The following KHDRBS2 variants were observed in gnomAD, a reference collection of about 807,000 sequenced individuals.
KHDRBS2 encodes KH RNA binding domain containing, signal transduction associated 2.
In KHDRBS2, 26 loss-of-function variants were observed where a neutral mutation model predicts 44.3. The ratio of observed to expected loss-of-function variants is 0.59; its 90% CI spans 0.43 to 0.81. The LOEUF (loss-of-function observed/expected upper bound fraction) is 0.81, where lower values mean the gene tolerates loss of function less well. Ranked by LOEUF, KHDRBS2 falls within the 40% of genes least tolerant of loss-of-function variation. The pLI, the probability that KHDRBS2 is intolerant of heterozygous loss-of-function variation, is 0.00. For synonymous variants in KHDRBS2, 194 were observed against 151.1 expected (o/e 1.28, Z -2.08); for missense variants, 476 against 433.1 (o/e 1.10, Z -0.88).
chr6:61,816,678 C>G, intron 6 of KHDRBS2: 1 of 431,790 alleles, frequency 2.3e-6, no homozygotes, highest in Non-Finnish European at 4.7e-6. Context: ...TTTGAAAATC[C>G]AGTTTTGCAA....
rs528229276 is a variant in KHDRBS2 at position 61,950,310 on chromosome 6, G to A, written c.483+27756C>T. The stretch of plus-strand genomic sequence containing the variant: ...ATATATTACTTTGGTGTAAATGATC[G>A]TATAGTAATCACTACTGATATCACC... On this transcript the variant is annotated intron_variant, in intron 4 of 8. Transcript: ENST00000281156. Among the ~76,000 whole-genome samples the A allele has an allele frequency of 1.4e-4, 21 of 152,062 alleles. No homozygotes were observed. The East Asian group carries it at 2.9e-3, about 21-fold the overall frequency.
At chr6:62,110,394 A>G (rs762152166) in intron 2 of KHDRBS2, among the ~76,000 whole-genome samples, 36 of 152,158 alleles carry the variant, frequency 2.4e-4, no homozygotes, top group Middle Eastern at 3.4e-3. Context: ...CAGCAGTTTT[A>G]TTTGTAAGAG....
At chr6:61,602,608 C>T in the KHDRBS2 span, among the ~76,000 whole-genome samples, 113 of 152,270 alleles carry the variant, frequency 7.4e-4, 1 homozygote, top group Middle Eastern at 3.4e-3. Flanking sequence ...AAGCCCCCTA[C>T]ACCATCACTG....
intron 2 of KHDRBS2, among the ~76,000 whole-genome samples, chr6:62,135,674 A>AAT (rs1467641642): frequency 6.6e-6 from 1 of 152,038 alleles, no homozygotes; most frequent in African/African-American, 2.4e-5. Context: ...GACATATATA[A>AAT]ATATATATAT....
At position 62,187,851 on chromosome 6, in the gene KHDRBS2, A is replaced by G. The variant is rs74726207; in HGVS notation, c.92-10539T>C. Among the ~76,000 whole-genome samples, 231 of 152,246 alleles carry G rather than the reference A, an allele frequency of 1.5e-3. 1 individual carries two copies. Among genetic ancestry groups the G allele is most frequent in the African/African-American group, 5.4e-3 (224 of 41,556 alleles). On this transcript the variant is annotated intron_variant, in intron 1 of 8. Transcript: ENST00000281156. The stretch of plus-strand genomic sequence containing the variant: ...AGTATATTTGTCCATTTGCATTGCT[A>G]TAAAAGAATACCTGAGGCTGGGTAA...
At chr6:61,930,158 G>A (rs531635993) in intron 4 of KHDRBS2, among the ~76,000 whole-genome samples, 45 of 152,190 alleles carry the variant, frequency 3.0e-4, no homozygotes, top group African/African-American at 1.1e-3. Flanking sequence ...GGAACAAGAT[G>A]CCATGTTGGA....
chr6:61,585,081 C>A, the KHDRBS2 span, among the ~76,000 whole-genome samples: 1 of 151,720 alleles, frequency 6.6e-6, no homozygotes, highest in East Asian at 1.9e-4. Context: ...TTTTGTGGAG[C>A]GTCGAAAAGA....
the KHDRBS2 span, among the ~76,000 whole-genome samples, chr6:61,578,308 T>C: frequency 6.6e-6 from 1 of 152,176 alleles, no homozygotes; most frequent in African/African-American, 2.4e-5. Flanking sequence ...CACTTAAGAA[T>C]TCAGAGTGAT....
At chr6:61,958,575 T>C (rs1767946729) in intron 4 of KHDRBS2, among the ~76,000 whole-genome samples, 1 of 152,222 alleles carries the variant, frequency 6.6e-6, no homozygotes, top group African/African-American at 2.4e-5. Context: ...TGATCCATTG[T>C]AATCATCACA....
intron 6 of KHDRBS2, among the ~76,000 whole-genome samples, chr6:61,736,531 C>T (rs1365989763): frequency 1.3e-5 from 2 of 152,018 alleles, no homozygotes; most frequent in Non-Finnish European, 2.9e-5. Context: ...CTTTACTCAC[C>T]TTTATTTCTT....
intron 6 of KHDRBS2, among the ~76,000 whole-genome samples, chr6:61,862,303 C>G (rs1269488982): frequency 6.6e-6 from 1 of 151,980 alleles, no homozygotes; most frequent in Non-Finnish European, 1.5e-5. Flanking sequence ...ATTTGTATAC[C>G]CTTTATTTCT....
chr6:62,240,718 A>ATATATATATATATATAT (rs1179571656), intron 1 of KHDRBS2, among the ~76,000 whole-genome samples: 4 of 134,276 alleles, frequency 3.0e-5, no homozygotes, highest in South Asian at 2.3e-4. Context: ...ATATATATAT[A>ATATATATATATATATAT]AACATGAGTT....
chr6:62,256,806 T>C (rs1167330334), intron 1 of KHDRBS2, among the ~76,000 whole-genome samples: 2 of 152,068 alleles, frequency 1.3e-5, no homozygotes, highest in African/African-American at 2.4e-5. Flanking sequence ...ATATGGAATA[T>C]GGGAACAGAA....
intron 6 of KHDRBS2, among the ~76,000 whole-genome samples, chr6:61,813,541 T>C (rs1173285245): frequency 2.0e-5 from 3 of 152,184 alleles, no homozygotes; most frequent in African/African-American, 7.2e-5. Flanking sequence ...TAGATTTAAG[T>C]AAGCTAATAT....
chr6:61,903,107 CTCAT>C (rs1027034087), intron 4 of KHDRBS2, among the ~76,000 whole-genome samples: 4 of 152,168 alleles, frequency 2.6e-5, no homozygotes, highest in African/African-American at 4.8e-5. Flanking sequence ...TCATAATTTT[CTCAT>C]TCAAACAACT....
chr6:62,172,531 A>G (rs187927450), intron 2 of KHDRBS2, among the ~76,000 whole-genome samples: 199 of 152,124 alleles, frequency 1.3e-3, no homozygotes, highest in Non-Finnish European at 2.2e-3. Flanking sequence ...TCATCGTGGC[A>G]GAAACTAACA....
At chr6:61,920,146 G>A (rs1183568625) in intron 4 of KHDRBS2, among the ~76,000 whole-genome samples, 1 of 151,862 alleles carries the variant, frequency 6.6e-6, no homozygotes, top group Non-Finnish European at 1.5e-5. Context: ...TTAAAACTGT[G>A]AGCTGAAATT....
At chr6:62,136,402 A>G (rs1213447204) in intron 2 of KHDRBS2, among the ~76,000 whole-genome samples, 1 of 152,156 alleles carries the variant, frequency 6.6e-6, no homozygotes, top group Non-Finnish European at 1.5e-5. Flanking sequence ...TCACTAATTG[A>G]TTCTCAATCA....
At chr6:62,241,291 T>C (rs1330569402) in intron 1 of KHDRBS2, among the ~76,000 whole-genome samples, 2 of 152,178 alleles carry the variant, frequency 1.3e-5, no homozygotes, top group Non-Finnish European at 2.9e-5. Flanking sequence ...AATAAGGTGC[T>C]CTGCAAGAAT....
Sources: allele counts gnomAD v4.1 joint callset (sites outside exome capture counted in the v4.1 genomes callset), GRCh38; gene constraint gnomAD v4.1.1; transcripts MANE v1.5; gene names NCBI Gene and HGNC (gene_info 2026-07-23, HGNC 2026-07-21).